Variants in SNX10 observed in about 807,000 individuals in gnomAD.
SNX10 encodes the protein sorting nexin 10, also known as sorting nexin-10.
A neutral mutation model predicts 28.5 loss-of-function variants in SNX10; 25 were observed. The observed-to-expected ratio is 0.88, with a 90% CI of 0.64 to 1.22. The LOEUF is 1.22. Among genes scored for constraint, SNX10 ranks in the 50% most tolerant of loss-of-function variants. The pLI is 0.00. For synonymous variants in SNX10, 62 were observed against 81.4 expected (o/e 0.76, Z 1.28); for missense variants, 223 against 242.6 (o/e 0.92, Z 0.54).
At chr7:26,372,293 G>T in intron 6 of SNX10, 198 bp from the exon 7 acceptor site, 2 of 599,700 alleles carry the variant, frequency 3.3e-6, no homozygotes, top group Non-Finnish European at 5.9e-6. Context: ...CATTTAGTCA[G>T]ACTTGAATTA....
chr7:26,333,907 G>A (rs1787832836), intron 1 of SNX10, among the ~76,000 whole-genome samples: 1 of 152,168 alleles, frequency 6.6e-6, no homozygotes, highest in South Asian at 2.1e-4. Flanking sequence ...AACCCTGTGT[G>A]GTGGAAAGGG....
chr7:26,309,990 T>C (rs1002192686), intron 1 of SNX10, among the ~76,000 whole-genome samples: 4 of 152,236 alleles, frequency 2.6e-5, no homozygotes, highest in African/African-American at 9.6e-5. Context: ...TTTGGCCTTA[T>C]TGCTATTTTG....
chr7:26,370,941 TTAAATA>T (rs1204917976), intron 5 of SNX10, among the ~76,000 whole-genome samples: 1 of 152,210 alleles, frequency 6.6e-6, no homozygotes, highest in African/African-American at 2.4e-5. Context: ...CAGTTTTTAT[TTAAATA>T]TAAAGGTATA....
chr7:26,350,579 G>T (rs1041073361), intron 2 of SNX10, among the ~76,000 whole-genome samples: 3 of 152,078 alleles, frequency 2.0e-5, no homozygotes, highest in Non-Finnish European at 4.4e-5. Flanking sequence ...CTGTGATGCT[G>T]GGTACTTTGA....
rs148024851 is a variant in SNX10, at chr7:26,335,733, T to C, written c.-23-10687T>C. 1.9e-4 allele frequency among the ~76,000 whole-genome samples: 27 copies of C among 139,692 alleles called. No individual in the cohort carries two copies. In the East Asian group the frequency reaches 4.0e-3, roughly 21 times the overall value. The allele number at this position is 139,692 out of a possible 152,430, so 91.6% of individuals were successfully genotyped here. ...TTAAAATAACCTCGCAGATGGAATA[T>C]TCTTTTTTTTTTTTTTTTTTTTTTT... is the stretch of plus-strand genomic sequence containing the variant. On this transcript the variant is annotated intron_variant, in intron 1 of 6. Transcript: ENST00000338523.
intron 1 of SNX10, among the ~76,000 whole-genome samples, chr7:26,315,661 T>TC (rs926273189): frequency 6.7e-6 from 1 of 150,300 alleles, no homozygotes; most frequent in African/African-American, 2.5e-5. Context: ...AGAGTGAGAC[T>TC]CCATCTCAAA....
At chr7:26,333,155 C>T (rs529089133) in intron 1 of SNX10, among the ~76,000 whole-genome samples, 1 of 152,216 alleles carries the variant, frequency 6.6e-6, no homozygotes, top group South Asian at 2.1e-4. Flanking sequence ...CCATAGATCA[C>T]TTTGGGCAGT....
chr7:26,365,886 C>T (rs1438623545), intron 5 of SNX10, among the ~76,000 whole-genome samples: 1 of 152,156 alleles, frequency 6.6e-6, no homozygotes, highest in Non-Finnish European at 1.5e-5. Context: ...ACCTCCTCTG[C>T]CTGTGTCTTC....
chr7:26,354,629 C>T (rs1459247156), intron 2 of SNX10, among the ~76,000 whole-genome samples: 1 of 152,226 alleles, frequency 6.6e-6, no homozygotes, highest in Admixed American at 6.5e-5. Flanking sequence ...GATCCTCCCA[C>T]CTTGGCCTCC....
At chr7:26,307,799 G>A (rs1220508277) in intron 1 of SNX10, among the ~76,000 whole-genome samples, 2 of 151,932 alleles carry the variant, frequency 1.3e-5, no homozygotes, top group Non-Finnish European at 2.9e-5. Context: ...CATCAGCACC[G>A]TGGGGGTACA....
At chr7:26,370,292 G>C (rs1272353693) in intron 5 of SNX10, 1 of 152,168 alleles carries the variant, frequency 6.6e-6, no homozygotes, top group East Asian at 1.9e-4. Context: ...TGTAAATGTA[G>C]AAAATAAATC....
chr7:26,315,585 A>G (rs538294127), intron 1 of SNX10, among the ~76,000 whole-genome samples: 87 of 151,610 alleles, frequency 5.7e-4, no homozygotes, highest in African/African-American at 2.1e-3. Context: ...GGAGAATGGC[A>G]TGAACCCAGG....
chr7:26,370,710 C>G (rs1220558476), intron 5 of SNX10: 1 of 152,122 alleles, frequency 6.6e-6, no homozygotes, highest in Non-Finnish European at 1.5e-5. Flanking sequence ...CTTGTTTAAA[C>G]AAGCAGAATA....
intron 1 of SNX10, among the ~76,000 whole-genome samples, chr7:26,322,946 G>C (rs546321985): frequency 6.6e-6 from 1 of 152,108 alleles, no homozygotes; most frequent in East Asian, 1.9e-4. Context: ...GTTAAGTGCT[G>C]CTAAGAAGAT....
intron 1 of SNX10, among the ~76,000 whole-genome samples, chr7:26,300,056 CA>C (rs1336563665): frequency 6.6e-6 from 1 of 151,766 alleles, no homozygotes; most frequent in African/African-American, 2.4e-5. Flanking sequence ...ACTAAAAATA[CA>C]AAAATTAGCT....
chr7:26,333,910 G>A (rs1787833034), intron 1 of SNX10, among the ~76,000 whole-genome samples: 1 of 152,160 alleles, frequency 6.6e-6, no homozygotes, highest in South Asian at 2.1e-4. Context: ...CCTGTGTGGT[G>A]GAAAGGGATG....
chr7:26,369,753 G>A (rs562658005), intron 5 of SNX10, among the ~76,000 whole-genome samples: 4 of 152,114 alleles, frequency 2.6e-5, no homozygotes, highest in African/African-American at 9.7e-5. Flanking sequence ...AAAAGAAAAC[G>A]CTGGGAAATA....
chr7:26,345,719 C>T (rs529124981), intron 1 of SNX10, among the ~76,000 whole-genome samples: 1 of 152,300 alleles, frequency 6.6e-6, no homozygotes, highest in South Asian at 2.1e-4. Context: ...TAGTCACCCT[C>T]AGTTGTAAGA....
At chr7:26,359,450 C>A (rs1193117094) in intron 2 of SNX10, among the ~76,000 whole-genome samples, 1 of 152,170 alleles carries the variant, frequency 6.6e-6, no homozygotes. Flanking sequence ...TGTGCCCCAA[C>A]AAGCAATAAG....
Sources: gnomAD v4.1 joint callset for allele counts (sites outside exome capture counted in the v4.1 genomes callset) on GRCh38, gnomAD v4.1.1 for gene constraint, MANE v1.5 for transcripts, NCBI Gene and HGNC (gene_info 2026-07-23, HGNC 2026-07-21) for gene names.